The following DCAF5 variants were observed in gnomAD, a reference collection of about 807,000 sequenced individuals.
DCAF5 encodes the protein DDB1 and CUL4 associated factor 5.
A neutral mutation model predicts 80.7 loss-of-function variants in DCAF5; 9 were observed. The observed-to-expected ratio is 0.11, with a 90% confidence interval of 0.07 to 0.19. The LOEUF is 0.19. Among genes scored for constraint, DCAF5 ranks in the 10% least tolerant of loss-of-function variants. DCAF5 has a pLI of 1.00. For synonymous variants in DCAF5, 433 were observed against 461.9 expected (o/e 0.94, Z 0.80); for missense variants, 842 against 1,205.7 (o/e 0.70, Z 4.47).
chr14:69,131,759 C>CTT lies in DCAF5; in HGVS notation c.215-9401_215-9400dup, dbSNP rs11458918. 9.0e-4 allele frequency among the ~76,000 whole-genome samples: 120 copies of CTT among 133,864 alleles called. No individual in the cohort carries two copies. The Middle Eastern group carries it at 0.012, about 13-fold the overall frequency. 87.8% of individuals were successfully genotyped at this position (133,864 alleles called of 152,430 possible). ...ACAAGGAAGAAAAGCACTTTCCAGG[C>CTT]TTTTTTTTTTTTTTTAATGATTTTA... On this transcript the variant is annotated intron_variant, in intron 1 of 8. Coordinates refer to ENST00000341516, the MANE Select transcript of DCAF5 (RefSeq NM_003861.3).
chr14:69,074,072 T>C (rs964086684), intron 7 of DCAF5, among the ~76,000 whole-genome samples: 3 of 152,212 alleles, frequency 2.0e-5, no homozygotes, highest in Admixed American at 2.0e-4. Flanking sequence ...CCACAGCAAA[T>C]GTTGAGTTAT....
intron 5 of DCAF5, among the ~76,000 whole-genome samples, chr14:69,112,041 C>T (rs532182677): frequency 9.1e-4 from 138 of 152,166 alleles, no homozygotes; most frequent in Non-Finnish European, 1.5e-3. Context: ...AATAAAGGTC[C>T]GACAATATCA....
intron 1 of DCAF5, among the ~76,000 whole-genome samples, chr14:69,130,787 A>G (rs2041017884): frequency 6.6e-6 from 1 of 152,190 alleles, no homozygotes; most frequent in Admixed American, 6.5e-5. Flanking sequence ...TTGGGGTTTC[A>G]TCTTTGAGAG....
chr14:69,053,666 G>C lies in DCAF5; in HGVS notation c.*191C>G, dbSNP rs2037833903. On this transcript the variant is annotated 3_prime_UTR_variant, in exon 9 of 9. Transcript: ENST00000341516. ...TTTCCCCTTTCTTAACACAGCACAA[G>C]CCAATGGCCAGCTAGACATTCAGAC... 8.5e-6 allele frequency: 5 copies of C among 587,858 alleles called. No individual in the cohort carries two copies. The highest frequency in any genetic ancestry group is 1.9e-5 in the African/African-American group (1 of 52,258). The allele number at this position is 587,858 out of a possible 1,614,324, so 36.4% of individuals were successfully genotyped here.
chr14:69,083,634 T>G, intron 6 of DCAF5: 2 of 572,942 alleles, frequency 3.5e-6, no homozygotes, highest in South Asian at 1.7e-5. Flanking sequence ...CAGTGGAAAA[T>G]ATAAAAGTTA....
rs959306260 is a variant in DCAF5, at chr14:69,053,248, G to A, written c.*609C>T. On this transcript the variant is annotated 3_prime_UTR_variant, in exon 9 of 9. Transcript: ENST00000341516. ...CACATTAAATGCTCAATAAAGAAGT[G>A]TTACTTAGAGAAAACATGGAAGATT... 1 of 152,258 alleles carries A rather than the reference G, an allele frequency of 6.6e-6. No homozygotes were observed. The highest frequency in any genetic ancestry group is 2.1e-4 in the South Asian group (1 of 4,838). 9.4% of individuals were successfully genotyped at this position (152,258 alleles called of 1,614,324 possible).
chr14:69,072,343 T>C (rs1264098343), intron 7 of DCAF5, among the ~76,000 whole-genome samples: 1 of 152,116 alleles, frequency 6.6e-6, no homozygotes, highest in Non-Finnish European at 1.5e-5. Flanking sequence ...ATTATATAGC[T>C]GTATTACTTT....
At chr14:69,060,957 T>A (rs959400285) in intron 8 of DCAF5, among the ~76,000 whole-genome samples, 1 of 152,130 alleles carries the variant, frequency 6.6e-6, no homozygotes, top group African/African-American at 2.4e-5. Flanking sequence ...AATTTTTATT[T>A]TTTTCTCTGA....
In DCAF5 at chr14:69,059,208, C is replaced by T. The variant is rs146070190; in HGVS notation, c.1074+3176G>A. ...CAAGTGATCGTCCCACCTCAGCCTC[C>T]CGAGTAACTGAGAGCACAGGCAGGC... On this transcript the variant is annotated intron_variant, in intron 8 of 8. Transcript: ENST00000341516. Among the ~76,000 whole-genome samples, 213 of 152,216 alleles carry T rather than the reference C, an allele frequency of 1.4e-3. 1 individual carries two copies. The highest frequency in any genetic ancestry group is 5.0e-3 in the African/African-American group (208 of 41,532).
At chr14:69,110,434 T>C (rs1458030033) in intron 5 of DCAF5, among the ~76,000 whole-genome samples, 2 of 149,584 alleles carry the variant, frequency 1.3e-5, no homozygotes, top group Non-Finnish European at 1.5e-5. Context: ...CCCCACTAAT[T>C]TTCCTATTTT....
intron 2 of DCAF5, among the ~76,000 whole-genome samples, chr14:69,120,383 G>A: frequency 6.6e-6 from 1 of 152,122 alleles, no homozygotes; most frequent in East Asian, 1.9e-4. Flanking sequence ...TATTACAAGT[G>A]TGAGCCACCA....
At chr14:69,100,289 T>C (rs2039903339) in intron 5 of DCAF5, among the ~76,000 whole-genome samples, 1 of 152,184 alleles carries the variant, frequency 6.6e-6, no homozygotes, top group African/African-American at 2.4e-5. Context: ...ATACTCCCTC[T>C]TTTAAAAAGG....
rs545710634 is a variant in DCAF5 at position 69,126,081 on chromosome 14, T to C, written c.215-3721A>G. ...TTTAGGTATAAATTTAACAAGATTT[T>C]ACAAGATCTACATAAGAAAAATTAT... On this transcript the variant is annotated intron_variant, in intron 1 of 8. Coordinates refer to ENST00000341516, the MANE Select transcript of DCAF5 (RefSeq NM_003861.3). Among the ~76,000 whole-genome samples, 249 of 151,150 alleles carry C rather than the reference T, an allele frequency of 1.6e-3. 1 individual carries two copies. Among genetic ancestry groups the C allele is most frequent in the Non-Finnish European group, 3.3e-3 (223 of 67,808 alleles).
At chr14:69,143,610 C>G (rs369732275) in intron 1 of DCAF5, among the ~76,000 whole-genome samples, 1 of 122,118 alleles carries the variant, frequency 8.2e-6, no homozygotes, top group South Asian at 2.7e-4. Flanking sequence ...GAACATTGGG[C>G]GAGGCATTCC....
intron 5 of DCAF5, among the ~76,000 whole-genome samples, chr14:69,095,831 A>G (rs1372968159): frequency 6.6e-6 from 1 of 152,170 alleles, no homozygotes; most frequent in East Asian, 1.9e-4. Flanking sequence ...TTTTCCAAAG[A>G]CCACTGGCAT....
At position 69,121,393 on chromosome 14, in the gene DCAF5, G is replaced by T. The variant is rs111550197; in HGVS notation, c.358+824C>A. Among the ~76,000 whole-genome samples the T allele has an allele frequency of 6.3e-3, 954 of 152,308 alleles. 7 individuals are homozygous for T. Among genetic ancestry groups the T allele is most frequent in the Non-Finnish European group, 0.011 (770 of 68,018 alleles). On this transcript the variant is annotated intron_variant, in intron 2 of 8. Coordinates refer to ENST00000341516, the MANE Select transcript of DCAF5 (RefSeq NM_003861.3). ...TTGGTGACAGACTAGATGTGTAAAT[G>T]TAAGAAAGGCAGGTTTGAGGATGAC...
chr14:69,144,444 T>C (rs956619355), intron 1 of DCAF5, among the ~76,000 whole-genome samples: 3 of 151,448 alleles, frequency 2.0e-5, no homozygotes, highest in Admixed American at 2.0e-4. Flanking sequence ...TGGTGGCGGG[T>C]GCCTGTAGTC....
chr14:69,135,036 T>C (rs1222960234), intron 1 of DCAF5, among the ~76,000 whole-genome samples: 3 of 152,176 alleles, frequency 2.0e-5, no homozygotes, highest in Non-Finnish European at 2.9e-5. Flanking sequence ...CAAGACAGAA[T>C]TGGTTAAATT....
chr14:69,128,707 G>A (rs1244262047), intron 1 of DCAF5, among the ~76,000 whole-genome samples: 1 of 152,126 alleles, frequency 6.6e-6, no homozygotes, highest in South Asian at 2.1e-4. Flanking sequence ...GGCGGAGGTT[G>A]CAGTGAGCAG....
Sources: gnomAD v4.1 joint callset for allele counts (sites outside exome capture counted in the v4.1 genomes callset) on GRCh38, gnomAD v4.1.1 for gene constraint, MANE v1.5 for transcripts, NCBI Gene and HGNC (gene_info 2026-07-23, HGNC 2026-07-21) for gene names.